Variants in FOXJ3 observed in about 807,000 individuals in gnomAD.
The protein encoded by FOXJ3 is forkhead box J3.
In FOXJ3, 22 loss-of-function variants were observed where a neutral mutation model predicts 76.1. That is an observed-to-expected ratio of 0.29 (90% CI 0.21 to 0.41). The LOEUF is 0.41. FOXJ3 is among the 10% of genes least tolerant of loss of function. The pLI is 1.00. For synonymous variants in FOXJ3, 269 were observed against 261.2 expected, an observed-to-expected ratio of 1.03 and a Z score of -0.29; for missense variants, 613 against 762.1, an observed-to-expected ratio of 0.80 and a Z score of 2.30.
chr1:42,219,079 T>C (rs878971139), intron 5 of FOXJ3, among the ~76,000 whole-genome samples: 94 of 152,366 alleles, frequency 6.2e-4, no homozygotes, highest in African/African-American at 2.0e-3. Flanking sequence ...AGTCCTCTCT[T>C]TTCCACAGTT....
chr1:42,186,381 G>A (rs1240909456), intron 11 of FOXJ3, among the ~76,000 whole-genome samples: 2 of 152,054 alleles, frequency 1.3e-5, no homozygotes, highest in Non-Finnish European at 2.9e-5. Context: ...AAATACAAAA[G>A]GGGAGTGAGA....
At chr1:42,235,855 T>A (rs1248428063) in intron 4 of FOXJ3, among the ~76,000 whole-genome samples, 1 of 152,062 alleles carries the variant, frequency 6.6e-6, no homozygotes, top group Non-Finnish European at 1.5e-5. Flanking sequence ...CCAGGCCTAG[T>A]TTTCTGATTT....
rs1172257500 is a variant in FOXJ3, at chr1:42,305,265, A to G, written c.44+5785T>C. ...AACAAATGCTGGAGAGGATGTGGGG[A>G]AAAGGGAACACTGGATTTTGTACAC... On this transcript the variant is annotated intron_variant, in intron 2 of 12. Coordinates refer to ENST00000361346, the MANE Select transcript of FOXJ3 (RefSeq NM_014947.5). Among the ~76,000 whole-genome samples the G allele has an allele frequency of 3.3e-5, 5 of 152,284 alleles. No homozygotes were observed. In the East Asian group the frequency reaches 9.7e-4, roughly 29 times the overall value.
intron 5 of FOXJ3, among the ~76,000 whole-genome samples, chr1:42,211,086 T>G (rs1646957761): frequency 2.6e-5 from 4 of 152,148 alleles, no homozygotes; most frequent in Admixed American, 2.6e-4. Flanking sequence ...GAAAGTTTGT[T>G]TGGCTCTACC....
In FOXJ3 at chr1:42,323,126, A is replaced by C. The variant is rs1409627198; in HGVS notation, c.-18+11933T>G. Among the ~76,000 whole-genome samples, 3 of 152,148 alleles carry C rather than the reference A, an allele frequency of 2.0e-5. No individual in the cohort carries two copies. The East Asian group carries it at 5.8e-4, about 29-fold the overall frequency. ...AAACTGGGTGTGTTTAGCTTGGAGA[A>C]GAAAACACTTTCTAGCCTTCCACCT... On this transcript the variant is annotated intron_variant, in intron 1 of 12. Transcript: ENST00000361346.
intron 2 of FOXJ3, among the ~76,000 whole-genome samples, chr1:42,289,731 G>A (rs959358433): frequency 3.9e-5 from 6 of 152,072 alleles, no homozygotes; most frequent in Admixed American, 6.5e-5. Flanking sequence ...AATATAAAAT[G>A]TCTGAAATAA....
intron 1 of FOXJ3, among the ~76,000 whole-genome samples, chr1:42,329,494 C>T (rs906237135): frequency 6.6e-6 from 1 of 152,104 alleles, no homozygotes; most frequent in Non-Finnish European, 1.5e-5. Context: ...TAAAGAATAA[C>T]CCCCTCTAGG....
chr1:42,205,908 A>C, intron 5 of FOXJ3, 45 bp from the exon 6 acceptor site: 3 of 1,137,262 alleles, frequency 2.6e-6, no homozygotes, highest in South Asian at 2.6e-5. Flanking sequence ...TCATATATCC[A>C]GCAACTTTAA....
chr1:42,183,135 G>A (rs1460441162), intron 11 of FOXJ3, among the ~76,000 whole-genome samples: 2 of 150,596 alleles, frequency 1.3e-5, no homozygotes, highest in African/African-American at 2.5e-5. Context: ...AATTAGCTGG[G>A]TGTGGTGGCA....
rs143074418 is a variant in FOXJ3, at chr1:42,193,149, T to C, written c.935-1430A>G. ...ATATATAAAACTGATAAGTATAATA[T>C]AGTTTTTTTTTTTGAAGCTGGGGAA... On this transcript the variant is annotated intron_variant, in intron 8 of 12. Coordinates refer to ENST00000361346, the MANE Select transcript of FOXJ3 (RefSeq NM_014947.5). 1.6e-3 allele frequency among the ~76,000 whole-genome samples: 239 copies of C among 152,190 alleles called. 1 individual carries two copies. Among genetic ancestry groups the C allele is most frequent in the African/African-American group, 4.8e-3 (198 of 41,544 alleles).
intron 2 of FOXJ3, among the ~76,000 whole-genome samples, chr1:42,299,047 T>C (rs1653965696): frequency 6.6e-6 from 1 of 152,212 alleles, no homozygotes; most frequent in Non-Finnish European, 1.5e-5. Context: ...TATTGAGACT[T>C]GCTTTAATGG....
chr1:42,324,281 ATT>A (rs1307283536), intron 1 of FOXJ3, among the ~76,000 whole-genome samples: 5 of 143,848 alleles, frequency 3.5e-5, no homozygotes, highest in African/African-American at 1.3e-4. Context: ...CACTATATAT[ATT>A]ATACACATAT....
intron 2 of FOXJ3, among the ~76,000 whole-genome samples, chr1:42,284,385 G>A (rs1652920999): frequency 6.6e-6 from 1 of 152,162 alleles, no homozygotes; most frequent in Non-Finnish European, 1.5e-5. Flanking sequence ...TTAGAATGTT[G>A]GCATGTGTTG....
chr1:42,257,778 A>T (rs1570077372), intron 4 of FOXJ3, among the ~76,000 whole-genome samples: 1 of 151,762 alleles, frequency 6.6e-6, no homozygotes. Flanking sequence ...ATCAGAAATG[A>T]AGATGTGTCA....
intron 1 of FOXJ3, among the ~76,000 whole-genome samples, chr1:42,328,239 A>C (rs898558586): frequency 6.6e-6 from 1 of 152,188 alleles, no homozygotes; most frequent in Non-Finnish European, 1.5e-5. Context: ...GGAGGTTGCA[A>C]TGAGCTCTCA....
chr1:42,296,808 A>T (rs1319111464), intron 2 of FOXJ3, among the ~76,000 whole-genome samples: 1 of 152,014 alleles, frequency 6.6e-6, no homozygotes, highest in Non-Finnish European at 1.5e-5. Flanking sequence ...TTCCATATGC[A>T]CTCCAGTGCT....
chr1:42,227,650 C>T (rs548298627), intron 5 of FOXJ3, among the ~76,000 whole-genome samples: 5 of 152,180 alleles, frequency 3.3e-5, no homozygotes, highest in Admixed American at 6.5e-5. Context: ...AAGTCTCAAA[C>T]GACACCTGCG....
intron 4 of FOXJ3, among the ~76,000 whole-genome samples, chr1:42,261,607 A>C (rs1486808416): frequency 2.0e-5 from 3 of 152,214 alleles, no homozygotes. Context: ...CTTCAAGATT[A>C]GGTTGTTCTT....
chr1:42,179,673 G>T lies in FOXJ3; in HGVS notation c.*37C>A. 7.8e-7 allele frequency: 1 copy of T among 1,284,402 alleles called. No homozygotes were observed. Among genetic ancestry groups the T allele is most frequent in the Non-Finnish European group, 1.1e-6 (1 of 880,520 alleles). The allele number at this position is 1,284,402 out of a possible 1,614,324, so 79.6% of individuals were successfully genotyped here. ...AACCTTTCCCTTCACTGCACAGAAA[G>T]GTAACGTTAGGGTCTGGTGTCTTGC... On this transcript the variant is annotated 3_prime_UTR_variant, in exon 13 of 13. Transcript: ENST00000361346.
Sources: allele counts gnomAD v4.1 joint callset (sites outside exome capture counted in the v4.1 genomes callset), GRCh38; gene constraint gnomAD v4.1.1; transcripts MANE v1.5; gene names NCBI Gene and HGNC (gene_info 2026-07-23, HGNC 2026-07-21).